Variants in PCDH15 observed in about 807,000 individuals in gnomAD.
PCDH15 encodes protocadherin-15.
In PCDH15, 129 loss-of-function variants were observed where a neutral mutation model predicts 178.5. The ratio of observed to expected loss-of-function variants is 0.72; its 90% CI spans 0.63 to 0.84. The LOEUF (loss-of-function observed/expected upper bound fraction) is 0.84. Ranked by LOEUF, PCDH15 falls within the 40% of genes least tolerant of loss-of-function variation. PCDH15 has a pLI of 0.00. For missense variants in PCDH15, 2,230 were observed against 2,099.9 expected (o/e 1.06, Z -1.21); for synonymous variants, 800 against 732.0 (o/e 1.09, Z -1.50).
rs5785026 is a variant in PCDH15, at chr10:53,900,209, TTCTCTCTC to T, written c.3501+3026_3501+3033del. 2.4e-4 allele frequency among the ~76,000 whole-genome samples: 34 copies of T among 144,616 alleles called. 1 individual carries two copies. Among genetic ancestry groups the T allele is most frequent in the East Asian group, 2.1e-4 (1 of 4,740 alleles). The allele number at this position is 144,616 out of a possible 152,430, so 94.9% of individuals were successfully genotyped here. A position where few individuals can be genotyped will look rare whatever the true frequency, so the allele number is the denominator to read the frequency against. On this transcript the variant is annotated intron_variant, in intron 26 of 37. Coordinates refer to ENST00000644397, the MANE Select transcript of PCDH15 (RefSeq NM_001384140.1). The stretch of plus-strand genomic sequence containing the variant: ...CATTCTTTCTCTCTCTCTCTAAACT[TTCTCTCTC>T]TCTCTCTCTCTCTCTCCCCCCCTCT...
chr10:54,469,861 C>T (rs571067091), intron 3 of PCDH15, among the ~76,000 whole-genome samples: 2 of 152,198 alleles, frequency 1.3e-5, no homozygotes, highest in South Asian at 2.1e-4. Flanking sequence ...CTGCAATGGC[C>T]AGTCTCTAGG....
intron 2 of PCDH15, among the ~76,000 whole-genome samples, chr10:55,158,884 A>AAG (rs35343114): frequency 6.7e-6 from 1 of 150,104 alleles, no homozygotes. Flanking sequence ...AGGGAGGGAG[A>AAG]AGAGAGAGAG....
chr10:54,892,400 TA>T (rs1240841240), intron 3 of PCDH15, among the ~76,000 whole-genome samples: 1 of 151,680 alleles, frequency 6.6e-6, no homozygotes, highest in Admixed American at 6.6e-5. Context: ...ATTTTAAAAT[TA>T]AAAGCTATCA....
chr10:54,628,839 C>T (rs996393605), intron 2 of PCDH15, among the ~76,000 whole-genome samples: 1 of 152,054 alleles, frequency 6.6e-6, no homozygotes, highest in African/African-American at 2.4e-5. Context: ...GATGTCTGCT[C>T]TCACCAAGAC....
chr10:54,974,647 A>G (rs1157641959), intron 2 of PCDH15, among the ~76,000 whole-genome samples: 1 of 152,004 alleles, frequency 6.6e-6, no homozygotes, highest in African/African-American at 2.4e-5. Context: ...GATTCTTTTG[A>G]TCTCAGTAAA....
At chr10:54,980,887 G>GA (rs1327505166) in intron 2 of PCDH15, among the ~76,000 whole-genome samples, 8 of 151,868 alleles carry the variant, frequency 5.3e-5, no homozygotes, top group Non-Finnish European at 7.4e-5. Flanking sequence ...AGAAATGAGT[G>GA]AAAAAATCTA....
At chr10:55,071,474 C>G (rs991361981) in intron 2 of PCDH15, among the ~76,000 whole-genome samples, 1 of 151,950 alleles carries the variant, frequency 6.6e-6, no homozygotes, top group Non-Finnish European at 1.5e-5. Context: ...AGACTTTAAA[C>G]CAACAAAGAT....
chr10:53,809,075 T>C (rs1357230847), intron 37 of PCDH15: 3 of 1,613,646 alleles, frequency 1.9e-6, no homozygotes, highest in East Asian at 2.2e-5. Context: ...GCAAGCACAA[T>C]GTTTTTCCTT....
chr10:54,331,432 A>AAAT (rs1939548154), intron 6 of PCDH15, among the ~76,000 whole-genome samples: 1 of 152,008 alleles, frequency 6.6e-6, no homozygotes, highest in Non-Finnish European at 1.5e-5. Context: ...TAACAATTTA[A>AAAT]AATATAAATA....
intron 2 of PCDH15, among the ~76,000 whole-genome samples, chr10:54,924,030 G>T (rs1337246718): frequency 7.2e-6 from 1 of 138,092 alleles, no homozygotes; most frequent in Non-Finnish European, 1.7e-5. Flanking sequence ...TAAAAAAAGA[G>T]AGTGAAATTT....
chr10:53,998,139 C>A (rs2091943101), intron 20 of PCDH15, among the ~76,000 whole-genome samples: 1 of 152,144 alleles, frequency 6.6e-6, no homozygotes, highest in African/African-American at 2.4e-5. Context: ...TTTTCTCTTG[C>A]CCATTATTCC....
intron 1 of PCDH15, among the ~76,000 whole-genome samples, chr10:55,192,772 CAA>C (rs926545381): frequency 6.6e-6 from 1 of 151,006 alleles, no homozygotes; most frequent in Non-Finnish European, 1.5e-5. Context: ...GATACATGCA[CAA>C]AGACACATAG....
chr10:54,730,499 C>A (rs753158479), intron 1 of PCDH15, among the ~76,000 whole-genome samples: 9 of 151,478 alleles, frequency 5.9e-5, no homozygotes, highest in Non-Finnish European at 1.0e-4. Flanking sequence ...CCATGGCATG[C>A]AATTTACCTT....
At chr10:54,489,171 T>TA (rs2137082318) in intron 3 of PCDH15, among the ~76,000 whole-genome samples, 1 of 152,232 alleles carries the variant, frequency 6.6e-6, no homozygotes, top group African/African-American at 2.4e-5. Flanking sequence ...TCTGTTTATT[T>TA]AAAATATTGT....
At chr10:54,250,923 G>C (rs2056421170) in intron 8 of PCDH15, among the ~76,000 whole-genome samples, 1 of 152,006 alleles carries the variant, frequency 6.6e-6, no homozygotes, top group South Asian at 2.1e-4. Context: ...TATACTTTTT[G>C]CATTACACAT....
Position 53,840,370 on chromosome 10 carries a change from A to G in PCDH15, c.3933T>C (p.Tyr1311=), listed in dbSNP as rs141008938. ...CTCTGTTGGTTTGGGGGTCAATTGCATAGACAGTCAAGTCACATTTGGTGT... is the reference window on the plus strand; with the variant it reads ...CTCTGTTGGTTTGGGGGTCAATTGCGTAGACAGTCAAGTCACATTTGGTGT... The part of the protein sequence containing the change: ...EDYTKCDLTV[Y]AIDPQTNRAI... Residue 1311 remains tyrosine (Y), a synonymous_variant, in exon 29 of 38, where the codon TAT becomes TAC. Transcript: ENST00000644397. 8 of 1,614,058 alleles carry G rather than the reference A, an allele frequency of 5.0e-6. No homozygotes were observed. Among genetic ancestry groups the G allele is most frequent in the African/African-American group, 1.3e-5 (1 of 74,928 alleles).
Position 55,502,787 on chromosome 10 carries a change from G to C in PCDH15, c.-156+124838C>G, listed in dbSNP as rs191548724. On this transcript the variant is annotated intron_variant, in intron 2 of 5. Coordinates refer to the PCDH15 transcript ENST00000613346. ...ATAAAGGATGTGATATGAAAGCGTAGTGCATTGGCTAAAATGTAGTACACA... is the reference window on the plus strand; with the variant it reads ...ATAAAGGATGTGATATGAAAGCGTACTGCATTGGCTAAAATGTAGTACACA... Among the ~76,000 whole-genome samples, 6 of 151,692 alleles carry C rather than the reference G, an allele frequency of 4.0e-5. No individual in the cohort carries two copies. In the East Asian group the frequency reaches 1.2e-3, roughly 30 times the overall value.
chr10:54,877,154 A>T (rs1383452857), intron 3 of PCDH15, among the ~76,000 whole-genome samples: 2 of 152,148 alleles, frequency 1.3e-5, no homozygotes, highest in African/African-American at 4.8e-5. Context: ...TTTAACTATA[A>T]GGTATTTTCT....
At chr10:54,393,753 C>T (rs1030882707) in intron 3 of PCDH15, among the ~76,000 whole-genome samples, 1 of 152,098 alleles carries the variant, frequency 6.6e-6, no homozygotes, top group Admixed American at 6.6e-5. Flanking sequence ...CTCATATTTT[C>T]AGTATAAAGA....
Sources: allele counts gnomAD v4.1 joint callset (sites outside exome capture counted in the v4.1 genomes callset), GRCh38; gene constraint gnomAD v4.1.1; transcripts MANE v1.5; gene names NCBI Gene and HGNC (gene_info 2026-07-23, HGNC 2026-07-21).